Variants in NUCKS1 observed in about 807,000 individuals in gnomAD.
The protein encoded by NUCKS1 is nuclear casein kinase and cyclin dependent kinase substrate 1, also known as nuclear ubiquitous casein and cyclin-dependent kinase substrate 1.
NUCKS1 carries 2 observed loss-of-function variants against 33.0 expected under a neutral mutation model. The observed-to-expected ratio is 0.06, with a 90% confidence interval of 0.02 to 0.19. The LOEUF is 0.19. NUCKS1 is among the 10% of genes least tolerant of loss of function. NUCKS1 has a pLI of 1.00. For missense variants in NUCKS1, 201 were observed against 293.6 expected, an observed-to-expected ratio of 0.68 and a Z score of 2.31; for synonymous variants, 106 against 102.8, an observed-to-expected ratio of 1.03 and a Z score of -0.19.
intron 1 of NUCKS1, among the ~76,000 whole-genome samples, chr1:205,742,604 C>A (rs1196108411): frequency 1.3e-5 from 2 of 152,136 alleles, no homozygotes; most frequent in Non-Finnish European, 2.9e-5. Flanking sequence ...GTGGGCGGAT[C>A]ACAAGGTCAG....
In NUCKS1 at chr1:205,717,498, T is replaced by A. The variant is rs1671843922; in HGVS notation, c.*782A>T. ...ATCAAGAGTTTTGGCAGCCCCTGCT[T>A]TTTTTTTTTTTTTAGCTCCCTAAAG... On this transcript the variant is annotated 3_prime_UTR_variant, in exon 7 of 7. Coordinates refer to ENST00000367142, the MANE Select transcript of NUCKS1 (RefSeq NM_022731.5). The A allele has an allele frequency of 1.7e-5, 5 of 301,382 alleles. No individual in the cohort carries two copies. Among genetic ancestry groups the A allele is most frequent in the Non-Finnish European group, 2.3e-5 (5 of 213,120 alleles). 18.7% of individuals were successfully genotyped at this position (301,382 alleles called of 1,614,324 possible). A position where few individuals can be genotyped will look rare whatever the true frequency, so the allele number is the denominator to read the frequency against.
chr1:205,721,713 G>A (rs1229829681), intron 4 of NUCKS1, among the ~76,000 whole-genome samples: 1 of 145,844 alleles, frequency 6.9e-6, no homozygotes, highest in Non-Finnish European at 1.5e-5. Context: ...TGCTCTTGTT[G>A]CCCAGGCTGG....
At chr1:205,740,668 A>C (rs753282486) in intron 1 of NUCKS1, among the ~76,000 whole-genome samples, 3 of 152,068 alleles carry the variant, frequency 2.0e-5, no homozygotes, top group Non-Finnish European at 4.4e-5. Context: ...ATGAGAAAGC[A>C]AAAATAAAAC....
intron 1 of NUCKS1, among the ~76,000 whole-genome samples, chr1:205,743,778 T>A (rs1172457111): frequency 6.6e-6 from 1 of 152,184 alleles, no homozygotes; most frequent in Admixed American, 6.5e-5. Flanking sequence ...TTACTGTATA[T>A]CATGTTGCTT....
intron 1 of NUCKS1, among the ~76,000 whole-genome samples, chr1:205,749,142 G>A (rs1189749497): frequency 2.6e-5 from 4 of 152,258 alleles, no homozygotes; most frequent in South Asian, 2.1e-4. Context: ...AGTGGAACGA[G>A]AACCACACGG....
At chr1:205,720,395 A>C (rs1671898958) in intron 5 of NUCKS1, 106 bp downstream of exon 5, 2 of 1,111,952 alleles carry the variant, frequency 1.8e-6, no homozygotes, top group African/African-American at 3.1e-5. Flanking sequence ...ACCCAATTTA[A>C]GGGACTGGTT....
chr1:205,729,460 T>C lies in NUCKS1; in HGVS notation c.67+112A>G, dbSNP rs114530354. 3,054 of 806,130 alleles carry C rather than the reference T, an allele frequency of 3.8e-3. 14 individuals carry two copies. Among genetic ancestry groups the C allele is most frequent in the Non-Finnish European group, 5.1e-3 (2,367 of 468,012 alleles). The allele number at this position is 806,130 out of a possible 1,614,324, so 49.9% of individuals were successfully genotyped here. ...CAGATCATGACATGGTTTTGGTAAA[T>C]GATCTAAAAATAAAAAAGTAAAACT... is the stretch of plus-strand genomic sequence containing the variant. On this transcript the variant is annotated intron_variant, in intron 2 of 6. Coordinates refer to ENST00000367142, the MANE Select transcript of NUCKS1 (RefSeq NM_022731.5).
intron 1 of NUCKS1, among the ~76,000 whole-genome samples, chr1:205,733,281 T>G (rs1653959950): frequency 6.6e-6 from 1 of 152,222 alleles, no homozygotes; most frequent in Non-Finnish European, 1.5e-5. Flanking sequence ...TGAGAATATT[T>G]AACTTGTAAA....
At chr1:205,724,474 G>A (rs1022355739) in intron 3 of NUCKS1, among the ~76,000 whole-genome samples, 2 of 152,038 alleles carry the variant, frequency 1.3e-5, no homozygotes, top group African/African-American at 4.8e-5. Context: ...TAGGCAGATT[G>A]CTGGAGGCCA....
chr1:205,734,668 T>C (rs1411422599), intron 1 of NUCKS1, among the ~76,000 whole-genome samples: 1 of 152,080 alleles, frequency 6.6e-6, no homozygotes, highest in Non-Finnish European at 1.5e-5. Flanking sequence ...CCAAGGTGGG[T>C]GGATCACCTG....
At chr1:205,721,805 G>A (rs2102431394) in intron 4 of NUCKS1, among the ~76,000 whole-genome samples, 1 of 151,938 alleles carries the variant, frequency 6.6e-6, no homozygotes, top group Non-Finnish European at 1.5e-5. Context: ...CTCCCGAGTA[G>A]CTGGGATTAC....
In NUCKS1 at chr1:205,713,109, G is replaced by A. The variant is rs1671772072; in HGVS notation, c.*5171C>T. 6.6e-6 allele frequency: 1 copy of A among 152,116 alleles called. No individual in the cohort carries two copies. The highest frequency in any genetic ancestry group is 1.5e-5 in the Non-Finnish European group (1 of 68,028). The allele number at this position is 152,116 out of a possible 1,614,324, so 9.4% of individuals were successfully genotyped here. On this transcript the variant is annotated 3_prime_UTR_variant, in exon 7 of 7. Coordinates refer to ENST00000367142, the MANE Select transcript of NUCKS1 (RefSeq NM_022731.5). ...GGGAAATAAGTTCCCACAAAGTCAGGCTGAACTGGGAGCTGATTAACAAAG... is the reference window on the plus strand; with the variant it reads ...GGGAAATAAGTTCCCACAAAGTCAGACTGAACTGGGAGCTGATTAACAAAG...
chr1:205,718,041 GA>G lies in NUCKS1; in HGVS notation c.*238del. The G allele has an allele frequency of 1.8e-6, 2 of 1,108,440 alleles. No individual in the cohort carries two copies. Among genetic ancestry groups the G allele is most frequent in the South Asian group, 7.7e-5 (2 of 25,922 alleles). The allele number at this position is 1,108,440 out of a possible 1,614,324, so 68.7% of individuals were successfully genotyped here. ...GGGAGGGCTGGCAAAGAGACCAATA[GA>G]CAAAAAGGTAACTTAAACACTTACA... On this transcript the variant is annotated 3_prime_UTR_variant, in exon 7 of 7. Coordinates refer to ENST00000367142, the MANE Select transcript of NUCKS1 (RefSeq NM_022731.5).
chr1:205,720,465 C>G, intron 5 of NUCKS1, 36 bp downstream of exon 5: 1 of 1,593,938 alleles, frequency 6.3e-7, no homozygotes, highest in Non-Finnish European at 8.5e-7. Flanking sequence ...ACAATTATGA[C>G]CAAACAACCA....
rs201680861 is a variant in NUCKS1 at position 205,717,038 on chromosome 1, T to TA, written c.*1241dup. ...TAAGTGAAGAATAGGGCCAGGAAAA[T>TA]AGTGTCCTATAGCAGAGGTGGTTGG... is the stretch of plus-strand genomic sequence containing the variant. On this transcript the variant is annotated 3_prime_UTR_variant, in exon 7 of 7. Coordinates refer to ENST00000367142, the MANE Select transcript of NUCKS1 (RefSeq NM_022731.5). 0.01 allele frequency: 1,594 copies of TA among 152,302 alleles called. 15 individuals are homozygous for TA. Among genetic ancestry groups the TA allele is most frequent in the South Asian group, 0.029 (138 of 4,826 alleles). The allele number at this position is 152,302 out of a possible 1,614,324, so 9.4% of individuals were successfully genotyped here.
At chr1:205,723,738 A>T (rs1671959258) in intron 4 of NUCKS1, among the ~76,000 whole-genome samples, 188 bp downstream of exon 4, 1 of 152,328 alleles carries the variant, frequency 6.6e-6, no homozygotes, top group Non-Finnish European at 1.5e-5. Flanking sequence ...TATGCATTTT[A>T]AAAAAGATTC....
chr1:205,723,481 A>C (rs888693814), intron 4 of NUCKS1, among the ~76,000 whole-genome samples: 1 of 152,166 alleles, frequency 6.6e-6, no homozygotes, highest in African/African-American at 2.4e-5. Flanking sequence ...TGTCTCCACT[A>C]AAAAGAGTGG....
At position 205,746,490 on chromosome 1, in the gene NUCKS1, A is replaced by ACAC. The variant is rs1558057646; in HGVS notation, c.17+3466_17+3467insGTG. On this transcript the variant is annotated intron_variant, in intron 1 of 6. Transcript: ENST00000367142. ...ACACACACACACACACACACACACT[A>ACAC]GAGAATAAGAGAATGAGCCAGTCTC... is the stretch of plus-strand genomic sequence containing the variant. 7.9e-3 allele frequency among the ~76,000 whole-genome samples: 536 copies of ACAC among 67,724 alleles called. 6 individuals are homozygous for ACAC. The highest frequency in any genetic ancestry group is 0.029 in the East Asian group (105 of 3,656). 44.4% of individuals were successfully genotyped at this position (67,724 alleles called of 152,430 possible).
At chr1:205,748,837 A>G (rs984670131) in intron 1 of NUCKS1, among the ~76,000 whole-genome samples, 3 of 152,266 alleles carry the variant, frequency 2.0e-5, no homozygotes, top group Admixed American at 6.5e-5. Flanking sequence ...TTTATTTAGA[A>G]AACACACTAT....
Sources: allele counts gnomAD v4.1 joint callset (sites outside exome capture counted in the v4.1 genomes callset), GRCh38; gene constraint gnomAD v4.1.1; transcripts MANE v1.5; gene names NCBI Gene and HGNC (gene_info 2026-07-23, HGNC 2026-07-21).